The following TENM1 variants were observed in gnomAD, a reference collection of about 807,000 sequenced individuals.
TENM1 encodes teneurin-1.
In TENM1, 35 loss-of-function variants were observed where a neutral mutation model predicts 174.8. That is an observed-to-expected ratio of 0.20 (90% CI 0.15 to 0.27). The LOEUF is 0.27. Among genes scored for constraint, TENM1 ranks in the 10% least tolerant of loss-of-function variants. The pLI is 1.00. For synonymous variants in TENM1, 781 were observed against 798.7 expected, an observed-to-expected ratio of 0.98 and a Z score of 0.37; for missense variants, 1,633 against 2,130.1, an observed-to-expected ratio of 0.77 and a Z score of 4.59.
intron 3 of TENM1, among the ~76,000 whole-genome samples, chrX:124,854,739 C>T (rs767751941): frequency 9.0e-6 from 1 of 111,412 alleles, no homozygotes; most frequent in Admixed American, 9.5e-5. Flanking sequence ...TAAGACATAA[C>T]TTCAAGTAAA....
chrX:124,710,625 A>G (rs2053024851), intron 4 of TENM1, among the ~76,000 whole-genome samples: 1 of 112,253 alleles, frequency 8.9e-6, no homozygotes, highest in African/African-American at 3.2e-5. Context: ...ATTACAGCAT[A>G]ATGAATAAAT....
chrX:124,898,712 T>G (rs939049783), intron 1 of TENM1, among the ~76,000 whole-genome samples: 12 of 112,113 alleles, frequency 1.1e-4, no homozygotes, highest in African/African-American at 3.9e-4. Flanking sequence ...CAGATTTCTT[T>G]TTTATTAAAG....
chrX:124,706,946 C>CTTTTTTT (rs1190388752), intron 4 of TENM1, among the ~76,000 whole-genome samples: 1 of 88,025 alleles, frequency 1.1e-5, no homozygotes, highest in Non-Finnish European at 2.2e-5. Context: ...AGTCCTTAAT[C>CTTTTTTT]TTTTTTTTTT....
intron 25 of TENM1, chrX:124,411,724 T>C (rs1465139478): frequency 8.9e-6 from 1 of 112,025 alleles, no homozygotes; most frequent in African/African-American, 3.2e-5. Context: ...CATCAGCGGG[T>C]AATTCCTACA....
At chrX:124,807,644 C>A (rs1470057317) in intron 3 of TENM1, among the ~76,000 whole-genome samples, 1 of 110,426 alleles carries the variant, frequency 9.1e-6, no homozygotes, top group African/African-American at 3.3e-5. Context: ...AAGTGGTATG[C>A]AATATAAAAA....
At chrX:124,504,557 G>A (rs1306776524) in intron 18 of TENM1, among the ~76,000 whole-genome samples, 1 of 111,510 alleles carries the variant, frequency 9.0e-6, no homozygotes, top group African/African-American at 3.3e-5. Context: ...AATTTACAAT[G>A]CTTTCTATCC....
At chrX:124,728,206 T>G (rs1426053782) in intron 4 of TENM1, among the ~76,000 whole-genome samples, 4 of 111,039 alleles carry the variant, frequency 3.6e-5, no homozygotes, top group African/African-American at 6.5e-5. Flanking sequence ...TATCTAAGGA[T>G]GGGCCTCTGG....
In TENM1 at chrX:124,565,580, G is replaced by A; in HGVS notation, c.2078-20C>T. ...ACAGCTCTGTGGGGAATTCAAAGAA[G>A]ACATATTAACATATTTTGTTAAAAC... On this transcript the variant is annotated intron_variant, in intron 11 of 31. Coordinates refer to ENST00000422452, the Ensembl canonical transcript of TENM1. 1 of 1,093,127 alleles carries A rather than the reference G, an allele frequency of 9.1e-7. No individual in the cohort carries two copies. Among genetic ancestry groups the A allele is most frequent in the East Asian group, 3.3e-5 (1 of 30,112 alleles). The allele number at this position is 1,093,127 out of a possible 1,213,427, so 90.1% of individuals were successfully genotyped here. A position where few individuals can be genotyped will look rare whatever the true frequency, so the allele number is the denominator to read the frequency against.
intron 10 of TENM1, among the ~76,000 whole-genome samples, chrX:124,642,385 G>A (rs894501287): frequency 8.9e-6 from 1 of 112,205 alleles, no homozygotes; most frequent in East Asian, 2.8e-4. Context: ...AAATGGAAGC[G>A]ATAGCTCCCA....
At chrX:124,599,550 G>A (rs1222403268) in intron 11 of TENM1, among the ~76,000 whole-genome samples, 2 of 111,234 alleles carry the variant, frequency 1.8e-5, no homozygotes, top group African/African-American at 3.3e-5. Flanking sequence ...AAGTGGAGGA[G>A]GAGATCCAGC....
chrX:124,471,327 ATATAGTACTATATATAATATATAT>A, intron 22 of TENM1, among the ~76,000 whole-genome samples: 1 of 22,356 alleles, frequency 4.5e-5, no homozygotes, highest in African/African-American at 1.8e-4. Flanking sequence ...ATATTATAAT[ATATAGTACTATATATAATATATAT>A]TATAATATAT....
chrX:125,153,293 CA>C, the TENM1 span, among the ~76,000 whole-genome samples: 1 of 111,365 alleles, frequency 9.0e-6, no homozygotes, highest in Non-Finnish European at 1.9e-5. Context: ...GGCCTTTTTA[CA>C]GCAATTAAGT....
chrX:124,955,491 C>A (rs1450060308), intron 1 of TENM1, among the ~76,000 whole-genome samples: 2 of 111,344 alleles, frequency 1.8e-5, no homozygotes, highest in African/African-American at 6.5e-5. Context: ...GATACTCATT[C>A]CTTTTTGTTC....
At chrX:124,880,046 T>A (rs778245238) in intron 3 of TENM1, among the ~76,000 whole-genome samples, 2 of 111,964 alleles carry the variant, frequency 1.8e-5, no homozygotes. Context: ...TTTTGGTTAC[T>A]TAAGAATTTT....
the TENM1 span, among the ~76,000 whole-genome samples, chrX:125,165,200 G>A: frequency 9.0e-6 from 1 of 111,677 alleles, no homozygotes; most frequent in Non-Finnish European, 1.9e-5. Context: ...GGATGGAAAC[G>A]ACACAGGAGG....
chrX:125,124,363 G>A, the TENM1 span, among the ~76,000 whole-genome samples: 1 of 111,761 alleles, frequency 8.9e-6, no homozygotes. Context: ...GAAAAGTCAG[G>A]ATTTTCTTTT....
the TENM1 span, among the ~76,000 whole-genome samples, chrX:125,154,144 A>C: frequency 8.9e-6 from 1 of 112,137 alleles, no homozygotes; most frequent in Admixed American, 9.4e-5. Context: ...TCACTACCCA[A>C]CTAGATTTAC....
chrX:125,108,295 C>A, the TENM1 span, among the ~76,000 whole-genome samples: 1 of 112,058 alleles, frequency 8.9e-6, no homozygotes, highest in Non-Finnish European at 1.9e-5. Flanking sequence ...CTCTGCGGTC[C>A]TATAGACCTA....
chrX:124,481,893 T>C (rs1338204636), exon 22 of TENM1: 2 of 1,207,704 alleles, frequency 1.7e-6, no homozygotes, highest in South Asian at 3.5e-5. Context: ...TTTGCGAGTA[T>C]TGGTGTCTGA....
Sources: allele counts gnomAD v4.1 joint callset (sites outside exome capture counted in the v4.1 genomes callset), GRCh38; gene constraint gnomAD v4.1.1; transcripts MANE v1.5; gene names NCBI Gene and HGNC (gene_info 2026-07-23, HGNC 2026-07-21).